Variants in ARHGAP10 observed in about 807,000 individuals in gnomAD.
The protein encoded by ARHGAP10 is rho GTPase-activating protein 10.
In ARHGAP10, 87 loss-of-function variants were observed where a neutral mutation model predicts 108.6. That is an observed-to-expected ratio of 0.80 (90% CI 0.67 to 0.96). The LOEUF is 0.96. ARHGAP10 is among the 40% of genes least tolerant of loss of function. ARHGAP10 has a pLI of 0.00. For synonymous variants in ARHGAP10, 347 were observed against 341.1 expected, an observed-to-expected ratio of 1.02 and a Z score of -0.19; for missense variants, 939 against 954.5, an observed-to-expected ratio of 0.98 and a Z score of 0.21.
At chr4:147,801,192 A>G (rs1318265192) in intron 1 of ARHGAP10, among the ~76,000 whole-genome samples, 23 of 152,346 alleles carry the variant, frequency 1.5e-4, no homozygotes, top group Non-Finnish European at 2.9e-5. Flanking sequence ...TCAGTAAAAC[A>G]TATCTCTCAG....
At position 147,956,207 on chromosome 4, in the gene ARHGAP10, A is replaced by G. The variant is rs1255698838; in HGVS notation, c.1450+833A>G. 2.0e-5 allele frequency among the ~76,000 whole-genome samples: 3 copies of G among 152,108 alleles called. No individual in the cohort carries two copies. The East Asian group carries it at 5.8e-4, about 29-fold the overall frequency. ...GTGCACTGACAGTAGCTGTAATTGTATTTTCATTTCCTTTTATTTTCTCCT... is the reference window on the plus strand; with the variant it reads ...GTGCACTGACAGTAGCTGTAATTGTGTTTTCATTTCCTTTTATTTTCTCCT... On this transcript the variant is annotated intron_variant, in intron 16 of 22. Transcript: ENST00000336498.
intron 18 of ARHGAP10, among the ~76,000 whole-genome samples, chr4:147,983,291 T>G (rs1299855491): frequency 6.6e-6 from 1 of 151,050 alleles, no homozygotes; most frequent in Non-Finnish European, 1.5e-5. Context: ...GTTCACGCCA[T>G]TCTCCTGCCT....
intron 20 of ARHGAP10, among the ~76,000 whole-genome samples, chr4:148,049,800 T>TTTTTTTTG (rs1553976352): frequency 6.8e-6 from 1 of 146,284 alleles, no homozygotes; most frequent in South Asian, 2.3e-4. Context: ...AAATTGTTTT[T>TTTTTTTTG]TTTGTTTGTT....
chr4:147,830,783 G>T (rs552313174), intron 3 of ARHGAP10, among the ~76,000 whole-genome samples: 1 of 152,348 alleles, frequency 6.6e-6, no homozygotes, highest in East Asian at 1.9e-4. Context: ...GTCTGCCAAA[G>T]TGTTGGGATT....
chr4:148,034,739 G>C (rs1352916821), intron 19 of ARHGAP10, among the ~76,000 whole-genome samples: 1 of 152,156 alleles, frequency 6.6e-6, no homozygotes, highest in Admixed American at 6.5e-5. Flanking sequence ...TGTACTGGAG[G>C]TTGTACTCTG....
At chr4:148,011,967 T>C (rs1741185665) in intron 18 of ARHGAP10, among the ~76,000 whole-genome samples, 1 of 152,208 alleles carries the variant, frequency 6.6e-6, no homozygotes, top group African/African-American at 2.4e-5. Context: ...AGTGCTGGGT[T>C]CTTAAAATCC....
chr4:148,044,326 C>T (rs1382194642), intron 19 of ARHGAP10, among the ~76,000 whole-genome samples: 1 of 152,084 alleles, frequency 6.6e-6, no homozygotes, highest in East Asian at 1.9e-4. Context: ...TTCTCATTGA[C>T]AGGTTTCTCT....
At chr4:147,883,238 T>G (rs551980164) in intron 10 of ARHGAP10, among the ~76,000 whole-genome samples, 1 of 152,218 alleles carries the variant, frequency 6.6e-6, no homozygotes, top group African/African-American at 2.4e-5. Context: ...AGAATGTCAG[T>G]GAAAAAGAGG....
At chr4:147,815,668 G>A (rs1181481237) in intron 1 of ARHGAP10, among the ~76,000 whole-genome samples, 9 of 152,128 alleles carry the variant, frequency 5.9e-5, no homozygotes, top group Non-Finnish European at 7.4e-5. Flanking sequence ...ACCAGCCTGG[G>A]CAATGTAGTG....
chr4:147,803,262 G>A (rs969524704), intron 1 of ARHGAP10, among the ~76,000 whole-genome samples: 2 of 152,142 alleles, frequency 1.3e-5, no homozygotes, highest in Non-Finnish European at 2.9e-5. Context: ...ACCCGCCTTG[G>A]CCTCCCAAAG....
At chr4:147,873,679 AAAAC>A (rs1448959458) in intron 7 of ARHGAP10, among the ~76,000 whole-genome samples, 1 of 15,766 alleles carries the variant, frequency 6.3e-5, no homozygotes, top group Non-Finnish European at 2.2e-4. Context: ...AACAAAAAAC[AAAAC>A]ACACACACAC....
intron 9 of ARHGAP10, among the ~76,000 whole-genome samples, chr4:147,880,881 CAT>C (rs1735300947): frequency 7.5e-6 from 1 of 132,884 alleles, no homozygotes; most frequent in Non-Finnish European, 1.6e-5. Flanking sequence ...TTTTTTGTGA[CAT>C]GTGGTAAGAA....
intron 22 of ARHGAP10, among the ~76,000 whole-genome samples, chr4:148,068,575 A>G (rs1730007327): frequency 6.6e-6 from 1 of 152,208 alleles, no homozygotes; most frequent in Admixed American, 6.5e-5. Flanking sequence ...GCTCACACAT[A>G]TGCAAAATAA....
chr4:148,067,739 C>T (rs948160641), intron 22 of ARHGAP10, among the ~76,000 whole-genome samples: 4 of 152,150 alleles, frequency 2.6e-5, no homozygotes, highest in Admixed American at 1.3e-4. Flanking sequence ...TCAGAGTGAC[C>T]CCTGGGCGGC....
chr4:147,832,101 C>T (rs1732973529), intron 3 of ARHGAP10, among the ~76,000 whole-genome samples: 1 of 152,132 alleles, frequency 6.6e-6, no homozygotes, highest in African/African-American at 2.4e-5. Flanking sequence ...TACACACACC[C>T]ACCCACACAC....
chr4:148,058,677 G>A (rs1329961936), intron 20 of ARHGAP10, among the ~76,000 whole-genome samples: 1 of 152,190 alleles, frequency 6.6e-6, no homozygotes, highest in African/African-American at 2.4e-5. Flanking sequence ...TACTGGAGGC[G>A]ACTGGATCAC....
chr4:147,765,597 C>T (rs978735214), intron 1 of ARHGAP10, among the ~76,000 whole-genome samples: 2 of 151,570 alleles, frequency 1.3e-5, no homozygotes, highest in Non-Finnish European at 2.9e-5. Context: ...GTCAGGAGTT[C>T]GAGACAGGCC....
chr4:148,057,523 T>G (rs1729415906), intron 20 of ARHGAP10, among the ~76,000 whole-genome samples: 1 of 152,212 alleles, frequency 6.6e-6, no homozygotes, highest in Non-Finnish European at 1.5e-5. Context: ...TGGGAATAAG[T>G]GTACTAGTGC....
At chr4:148,053,743 A>G (rs1337284034) in intron 20 of ARHGAP10, among the ~76,000 whole-genome samples, 1 of 152,152 alleles carries the variant, frequency 6.6e-6, no homozygotes, top group Non-Finnish European at 1.5e-5. Context: ...TATAGAAATT[A>G]TGCTATGCCG....
Sources: gnomAD v4.1 joint callset for allele counts (sites outside exome capture counted in the v4.1 genomes callset) on GRCh38, gnomAD v4.1.1 for gene constraint, MANE v1.5 for transcripts, NCBI Gene and HGNC (gene_info 2026-07-23, HGNC 2026-07-21) for gene names.